The following BIRC6 variants were observed in gnomAD, a reference collection of about 807,000 sequenced individuals.
BIRC6 encodes dual E2 ubiquitin-conjugating enzyme/E3 ubiquitin-protein ligase BIRC6.
In BIRC6, 98 loss-of-function variants were observed where a neutral mutation model predicts 503.3. The observed-to-expected ratio is 0.19, with a 90% confidence interval of 0.17 to 0.23. BIRC6 has a LOEUF of 0.23. Among genes scored for constraint, BIRC6 ranks in the 10% least tolerant of loss-of-function variants. The probability of loss-of-function intolerance (pLI) is 1.00; values close to 1 mark genes in which losing one functional copy is unlikely to be tolerated. For synonymous variants in BIRC6, 2,240 were observed against 2,078.7 expected (o/e 1.08, Z -2.11); for missense variants, 5,360 against 5,806.0 (o/e 0.92, Z 2.50).
intron 1 of BIRC6, among the ~76,000 whole-genome samples, chr2:32,374,737 G>T (rs1243523400): frequency 6.6e-6 from 1 of 152,108 alleles, no homozygotes; most frequent in Non-Finnish European, 1.5e-5. Context: ...CTCCCAAAGT[G>T]CTGGGATTAC....
chr2:32,552,322 A>G (rs1170460015), intron 65 of BIRC6, among the ~76,000 whole-genome samples: 1 of 152,212 alleles, frequency 6.6e-6, no homozygotes, highest in Non-Finnish European at 1.5e-5. Flanking sequence ...TCAAGTTCTC[A>G]TATTAATGAG....
chr2:32,376,405 AT>A (rs1157215513), intron 1 of BIRC6, among the ~76,000 whole-genome samples: 4 of 151,966 alleles, frequency 2.6e-5, no homozygotes, highest in African/African-American at 7.3e-5. Flanking sequence ...TTAATACTGT[AT>A]TTTTTACATT....
chr2:32,427,450 T>G (rs1034743349), intron 10 of BIRC6, among the ~76,000 whole-genome samples: 1 of 152,062 alleles, frequency 6.6e-6, no homozygotes, highest in East Asian at 1.9e-4. Flanking sequence ...CACGCCTGTC[T>G]AATTTTTGTA....
intron 65 of BIRC6, among the ~76,000 whole-genome samples, chr2:32,556,018 C>T (rs2058754094): frequency 6.6e-6 from 1 of 151,588 alleles, no homozygotes; most frequent in Non-Finnish European, 1.5e-5. Context: ...TGACAGTTAG[C>T]TGAGCAGTAC....
intron 24 of BIRC6, 91 bp from the exon 25 acceptor site, chr2:32,464,418 T>C (rs1410316901): frequency 7.4e-7 from 1 of 1,359,504 alleles, no homozygotes; most frequent in African/African-American, 1.5e-5. Flanking sequence ...TTTAATCATG[T>C]TTATCTTCAT....
intron 59 of BIRC6, chr2:32,528,716 ACT>A (rs2056488073): frequency 6.6e-6 from 1 of 151,984 alleles, no homozygotes. Flanking sequence ...AGGAATGATG[ACT>A]CTTGTTGACA....
intron 2 of BIRC6, chr2:32,379,228 A>G (rs1173073551): frequency 2.6e-5 from 4 of 152,236 alleles, no homozygotes; most frequent in Non-Finnish European, 4.4e-5. Flanking sequence ...TAGAGAATTA[A>G]TTAGTTCTAC....
At chr2:32,556,418 C>T (rs372546493) in intron 65 of BIRC6, among the ~76,000 whole-genome samples, 5 of 152,142 alleles carry the variant, frequency 3.3e-5, no homozygotes, top group Non-Finnish European at 7.4e-5. Flanking sequence ...GAGCTGCTCA[C>T]GTACCTAATC....
chr2:32,604,790 C>G (rs1168511803), intron 71 of BIRC6, among the ~76,000 whole-genome samples: 6 of 152,052 alleles, frequency 3.9e-5, no homozygotes, highest in Non-Finnish European at 8.8e-5. Flanking sequence ...TAGGTAAACT[C>G]ACGTCACAAG....
At position 32,433,635 on chromosome 2, in the gene BIRC6, A is replaced by G; in HGVS notation, c.3249-9A>G. ...TGCTTTATTTAGCATTTTTCCCCTT[A>G]TTTGACAGCAACAGCTGGGATGAAC... On this transcript the variant is annotated splice_polypyrimidine_tract_variant and intron_variant, in intron 12 of 73. Transcript: ENST00000421745. 1 of 1,531,238 alleles carries G rather than the reference A, an allele frequency of 6.5e-7. No homozygotes were observed. Among genetic ancestry groups the G allele is most frequent in the Non-Finnish European group, 8.9e-7 (1 of 1,123,088 alleles). The allele number at this position is 1,531,238 out of a possible 1,614,324, so 94.9% of individuals were successfully genotyped here.
At chr2:32,562,069 T>G (rs1365460758) in intron 65 of BIRC6, among the ~76,000 whole-genome samples, 1 of 152,118 alleles carries the variant, frequency 6.6e-6, no homozygotes, top group Non-Finnish European at 1.5e-5. Context: ...TTATTATTTC[T>G]AGATTTTAAC....
At chr2:32,364,507 C>G (rs1402056812) in intron 1 of BIRC6, among the ~76,000 whole-genome samples, 1 of 152,146 alleles carries the variant, frequency 6.6e-6, no homozygotes, top group Admixed American at 6.5e-5. Context: ...TCCCAAAGTG[C>G]TGGGATTGCA....
intron 1 of BIRC6, among the ~76,000 whole-genome samples, chr2:32,372,309 C>G (rs567953599): frequency 6.6e-6 from 1 of 152,190 alleles, no homozygotes; most frequent in South Asian, 2.1e-4. Flanking sequence ...CTTCCCTTTA[C>G]CACTAATCTT....
chr2:32,540,648 G>C (rs772291598), intron 61 of BIRC6, among the ~76,000 whole-genome samples: 2 of 151,890 alleles, frequency 1.3e-5, no homozygotes, highest in Non-Finnish European at 2.9e-5. Context: ...TGTTTGAATC[G>C]TTATACTTGT....
chr2:32,567,651 C>G (rs771124454), intron 65 of BIRC6, among the ~76,000 whole-genome samples: 1 of 152,224 alleles, frequency 6.6e-6, no homozygotes, highest in Admixed American at 6.5e-5. Flanking sequence ...CTTCTTACTT[C>G]CTATTTAGCT....
At chr2:32,507,237 C>G (rs1335580528) in intron 50 of BIRC6, among the ~76,000 whole-genome samples, 1 of 152,088 alleles carries the variant, frequency 6.6e-6, no homozygotes. Flanking sequence ...CAAGACCAGC[C>G]TGGCTAACAT....
chr2:32,547,866 C>G lies in BIRC6; in HGVS notation c.12827C>G (p.Ser4276Cys), dbSNP rs1189918061. 2.5e-6 allele frequency: 4 copies of G among 1,595,472 alleles called. No homozygotes were observed. Among genetic ancestry groups the G allele is most frequent in the Non-Finnish European group, 3.4e-6 (4 of 1,173,888 alleles). ...TATTTTAAGCCACAGGTGTCAAGCT[C>G]TCATAACCCTACATCAACAGAAGAA... ...VNQTEPQVSSSHNPTSTEEQQ... is the reference protein window; with the variant it reads ...VNQTEPQVSSCHNPTSTEEQQ... Residue 4276 changes from serine (S) to cysteine (C), a missense_variant, in exon 64 of 74, where the codon TCT (serine) becomes TGT (cysteine). Physicochemically the swap from Ser to Cys is moderately radical, Grantham distance 112. Around this residue, in one of 16 missense-constraint regions of BIRC6, gnomAD observed 477 missense variants for 574.4 expected, o/e 0.83. Transcript: ENST00000421745.
chr2:32,372,637 T>C (rs1019231540), intron 1 of BIRC6, among the ~76,000 whole-genome samples: 2 of 152,020 alleles, frequency 1.3e-5, no homozygotes, highest in Non-Finnish European at 2.9e-5. Context: ...GAGACCAGGT[T>C]GGGCAACATG....
chr2:32,609,973 T>C (rs1364781858), intron 72 of BIRC6, among the ~76,000 whole-genome samples: 3 of 152,196 alleles, frequency 2.0e-5, no homozygotes, highest in Non-Finnish European at 2.9e-5. Context: ...TCGCTACTCT[T>C]TGAATGCCCT....
Sources: gnomAD v4.1 joint callset for allele counts (sites outside exome capture counted in the v4.1 genomes callset) on GRCh38, gnomAD v4.1.1 for gene constraint, gnomAD v4.1.1 regional missense constraint, MANE v1.5 for transcripts, NCBI Gene and HGNC (gene_info 2026-07-23, HGNC 2026-07-21) for gene names.